Variants in PLEKHG3 observed in about 807,000 individuals in gnomAD.
The protein encoded by PLEKHG3 is pleckstrin homology domain-containing family G member 3.
Under a neutral mutation model 94.9 loss-of-function variants are expected in PLEKHG3, and 62 were observed. The observed-to-expected ratio is 0.65, with a 90% CI of 0.53 to 0.81. The LOEUF is 0.81. PLEKHG3 is among the 30% of genes least tolerant of loss of function. The pLI is 0.00. For missense variants in PLEKHG3, 1,461 were observed against 1,619.3 expected, an observed-to-expected ratio of 0.90 and a Z score of 1.68; for synonymous variants, 614 against 654.0, an observed-to-expected ratio of 0.94 and a Z score of 0.93.
rs1044800876 is a variant in PLEKHG3, at chr14:64,718,677, A to C, written c.-39-8916A>C. 2.6e-5 allele frequency among the ~76,000 whole-genome samples: 4 copies of C among 152,188 alleles called. No individual in the cohort carries two copies. Among genetic ancestry groups the C allele is most frequent in the African/African-American group, 9.7e-5 (4 of 41,444 alleles). ...GGTAGTTTGGAGGAGTGCTGGCTGT[A>C]GTCCCTGGGCTCTTTCATACACATT... On this transcript the variant is annotated intron_variant, in intron 1 of 16. Transcript: ENST00000247226. The surrounding 1 kb of genome is among the most constrained non-coding windows in gnomAD (Gnocchi z 5.0).
At position 64,741,849 on chromosome 14, in the gene PLEKHG3, G is replaced by A; in HGVS notation, c.2332G>A (p.Gly778Ser). 1.2e-6 allele frequency: 2 copies of A among 1,613,474 alleles called. No homozygotes were observed. The highest frequency in any genetic ancestry group is 1.7e-5 in the Admixed American group (1 of 60,012). Residue 778 changes from glycine to serine, a missense_variant, in exon 16 of 17, where the codon GGC becomes AGC. Gly to Ser is a moderately conservative substitution (Grantham distance 56). Transcript: ENST00000247226. ...TCCAGTGGGGAGCAAGAGACAGGTG[G>A]GCTCCCGGCCGACTTCGTGGGCCCT... ...VPPVGSKRQV[G>S]SRPTSWALFE...
chr14:64,707,321 C>T (rs1401410877), intron 1 of PLEKHG3, among the ~76,000 whole-genome samples: 1 of 152,252 alleles, frequency 6.6e-6, no homozygotes, highest in African/African-American at 2.4e-5. Flanking sequence ...ACCGTCTTTT[C>T]TCATCTCTCC....
chr14:64,733,305 C>T (rs1312895661), intron 12 of PLEKHG3, among the ~76,000 whole-genome samples: 2 of 151,850 alleles, frequency 1.3e-5, no homozygotes, highest in Non-Finnish European at 2.9e-5. Context: ...GCTGGGACTA[C>T]AAGCGTGCAC....
Position 64,732,763 on chromosome 14 carries a change from T to C in PLEKHG3, c.1247-40T>C, listed in dbSNP as rs73273534. On this transcript the variant is annotated intron_variant, in intron 11 of 16. Coordinates refer to ENST00000247226, the MANE Select transcript of PLEKHG3 (RefSeq NM_001308147.2). This position sits in a 1 kb window ranked among gnomAD's most constrained non-coding sequence, Gnocchi z 4.9. Reference sequence around the variant, plus strand: ...AGGGTCTAGGGTAGGCCAAGGCCAATTGGGAATCAAAAGCTTGATCGTCTC... The same window carrying C: ...AGGGTCTAGGGTAGGCCAAGGCCAACTGGGAATCAAAAGCTTGATCGTCTC... The C allele has an allele frequency of 0.14, 211,244 of 1,498,944 alleles. 15,716 individuals carry two copies. The highest frequency in any genetic ancestry group is 0.18 in the Middle Eastern group (1,078 of 5,856). The allele number at this position is 1,498,944 out of a possible 1,614,324, so 92.9% of individuals were successfully genotyped here.
At chr14:64,736,698 G>A (rs113330530) in intron 12 of PLEKHG3, among the ~76,000 whole-genome samples, 155 bp from the exon 13 acceptor site, 1 of 152,200 alleles carries the variant, frequency 6.6e-6, no homozygotes, top group East Asian at 1.9e-4. Context: ...CGCCGACACT[G>A]TGGAAGGCAG....
chr14:64,714,877 G>A (rs1594663139), intron 1 of PLEKHG3, among the ~76,000 whole-genome samples: 1 of 152,070 alleles, frequency 6.6e-6, no homozygotes, highest in Admixed American at 6.5e-5. Context: ...TGAGAAGTAG[G>A]GATTTGAGTG....
At chr14:64,706,142 G>T (rs906663102) in intron 1 of PLEKHG3, among the ~76,000 whole-genome samples, 1 of 152,208 alleles carries the variant, frequency 6.6e-6, no homozygotes, top group Non-Finnish European at 1.5e-5. Context: ...GAAGTGGAAA[G>T]AGCACTGGCC....
At chr14:64,737,156 C>T (rs1332854147) in intron 13 of PLEKHG3, 200 bp from the exon 14 acceptor site, 4 of 647,104 alleles carry the variant, frequency 6.2e-6, no homozygotes, top group Non-Finnish European at 1.1e-5. Flanking sequence ...CTGCGCTGCT[C>T]TGTGGCCCCT....
chr14:64,727,691 C>G lies in PLEKHG3; in HGVS notation c.60C>G (p.Thr20=), dbSNP rs1378508147. Residue 20 remains threonine (T), a synonymous_variant, in exon 2 of 17, where the codon ACC becomes ACG. Transcript: ENST00000247226. The surrounding 1 kb of genome is among the most constrained non-coding windows in gnomAD (Gnocchi z 6.0). ...GCCAGGAGCGGCCGGTGAGCCTGAC[C>G]TCTACCACCTCCTCGTCGGGCTCCT... is the stretch of plus-strand genomic sequence containing the variant. The part of the protein sequence containing the change: ...DGSQERPVSL[T]STTSSSGSSC... The G allele has an allele frequency of 1.9e-6, 3 of 1,612,556 alleles. No individual in the cohort carries two copies. Among genetic ancestry groups the G allele is most frequent in the South Asian group, 2.2e-5 (2 of 91,044 alleles).
Position 64,728,197 on chromosome 14 carries a change from T to C in PLEKHG3, c.351+215T>C, listed in dbSNP as rs2081390943. ...GGCCGACAGGAGTGAGCATCGTTGA[T>C]AGGGTGGATCCCCAGCCTGCCTGGG... On this transcript the variant is annotated intron_variant, in intron 2 of 16. Coordinates refer to ENST00000247226, the MANE Select transcript of PLEKHG3 (RefSeq NM_001308147.2). The surrounding 1 kb of genome is among the most constrained non-coding windows in gnomAD (Gnocchi z 5.9). Among the ~76,000 whole-genome samples the C allele has an allele frequency of 6.6e-6, 1 of 152,192 alleles. No homozygotes were observed. Among genetic ancestry groups the C allele is most frequent in the Admixed American group, 6.5e-5 (1 of 15,282 alleles).
Position 64,741,996 on chromosome 14 carries a change from A to T in PLEKHG3, c.2479A>T (p.Ser827Cys), listed in dbSNP as rs2081706650. The T allele has an allele frequency of 6.4e-7, 1 of 1,569,898 alleles. No individual in the cohort carries two copies. Among genetic ancestry groups the T allele is most frequent in the East Asian group, 2.2e-5 (1 of 44,516 alleles). The change falls in exon 16 of 17, where the codon AGC becomes TGC. Residue 827 changes from serine (S) to cysteine (C), a missense_variant. Transcript: ENST00000247226. ...GGAGGGAATGGAGTCTTCCGGAGGG[A>T]GCCCTGGGAAGGGGCCAGGCCAGGG... ...IWEGMESSGG[S>C]PGKGPGQGQA... is the part of the protein sequence containing the mutation.
chr14:64,722,451 C>G lies in PLEKHG3; in HGVS notation c.-39-5142C>G, dbSNP rs1594675894. On this transcript the variant is annotated intron_variant, in intron 1 of 16. Transcript: ENST00000247226. The surrounding 1 kb of genome is among the most constrained non-coding windows in gnomAD (Gnocchi z 4.3). ...CTCAAACTCCTCTCAAACTCCTGAC[C>G]AAAGGTGATCCGCCCACCTCGGCCT... 1.3e-5 allele frequency among the ~76,000 whole-genome samples: 2 copies of G among 152,228 alleles called. No individual in the cohort carries two copies. Among genetic ancestry groups the G allele is most frequent in the East Asian group, 3.9e-4 (2 of 5,168 alleles).
Position 64,732,925 on chromosome 14 carries a change from G to T in PLEKHG3, c.1345+24G>T, listed in dbSNP as rs762589341. On this transcript the variant is annotated intron_variant, in intron 12 of 16. Transcript: ENST00000247226. This position sits in a 1 kb window ranked among gnomAD's most constrained non-coding sequence, Gnocchi z 4.9. ...TGGTAAGAGAAGGGCTGTGGAGGCA[G>T]GAGGCCTCTCCCTCACACCCTTGCC... is the stretch of plus-strand genomic sequence containing the variant. 3 of 1,447,080 alleles carry T rather than the reference G, an allele frequency of 2.1e-6. No individual in the cohort carries two copies. The Admixed American group carries it at 5.5e-5, about 27-fold the overall frequency. 89.6% of individuals were successfully genotyped at this position (1,447,080 alleles called of 1,614,324 possible). A position where few individuals can be genotyped will look rare whatever the true frequency, so the allele number is the denominator to read the frequency against.
chr14:64,749,745 G>A lies in PLEKHG3; in HGVS notation c.*6042G>A, dbSNP rs746511800. On this transcript the variant is annotated 3_prime_UTR_variant, in exon 17 of 17. Coordinates refer to ENST00000247226, the MANE Select transcript of PLEKHG3 (RefSeq NM_001308147.2). The surrounding 1 kb of genome is among the most constrained non-coding windows in gnomAD (Gnocchi z 4.7). ...TCATGGAGACACCTCTGGAGGGGGCGCTGGGCAGAGGGCTGGCTCTGATCC... is the reference window on the plus strand; with the variant it reads ...TCATGGAGACACCTCTGGAGGGGGCACTGGGCAGAGGGCTGGCTCTGATCC... 13 of 1,600,616 alleles carry A rather than the reference G, an allele frequency of 8.1e-6. No homozygotes were observed. In the Admixed American group the frequency reaches 8.6e-5, roughly 11 times the overall value.
At position 64,730,192 on chromosome 14, in the gene PLEKHG3, G is replaced by T. The variant is rs751458126; in HGVS notation, c.450-51G>T. 1 of 984,878 alleles carries T rather than the reference G, an allele frequency of 1.0e-6. No individual in the cohort carries two copies. The highest frequency in any genetic ancestry group is 2.6e-5 in the East Asian group (1 of 38,386). The allele number at this position is 984,878 out of a possible 1,614,324, so 61.0% of individuals were successfully genotyped here. A position where few individuals can be genotyped will look rare whatever the true frequency, so the allele number is the denominator to read the frequency against. ...GAGGTTGGGGAGGGGGCAGTGAGGGGCATTGTCCTCTGACTGCAGAGGGTA... is the reference window on the plus strand; with the variant it reads ...GAGGTTGGGGAGGGGGCAGTGAGGGTCATTGTCCTCTGACTGCAGAGGGTA... On this transcript the variant is annotated intron_variant, in intron 3 of 16. Transcript: ENST00000247226. The surrounding 1 kb of genome is among the most constrained non-coding windows in gnomAD (Gnocchi z 5.4).
intron 12 of PLEKHG3, among the ~76,000 whole-genome samples, chr14:64,735,321 G>A (rs1040417070): frequency 4.6e-5 from 7 of 152,154 alleles, no homozygotes; most frequent in African/African-American, 7.2e-5. Context: ...GTTAGAAAGC[G>A]ATCGTTCAGG....
In PLEKHG3 at chr14:64,715,674, G is replaced by C. The variant is rs1432667858; in HGVS notation, c.-40+10970G>C. The stretch of plus-strand genomic sequence containing the variant: ...CTGGTGAATGATCTGGCTTTGTTCT[G>C]AAGTCTTCAGTATTTGATTCCTGCA... On this transcript the variant is annotated intron_variant, in intron 1 of 16. Transcript: ENST00000247226. The surrounding 1 kb of genome is among the most constrained non-coding windows in gnomAD (Gnocchi z 4.4). 4.2e-6 allele frequency: 1 copy of C among 237,680 alleles called. No individual in the cohort carries two copies. The highest frequency in any genetic ancestry group is 5.3e-5 in the Admixed American group (1 of 18,744). 14.7% of individuals were successfully genotyped at this position (237,680 alleles called of 1,614,324 possible).
At position 64,730,199 on chromosome 14, in the gene PLEKHG3, C is replaced by CCT. The variant is rs764036123; in HGVS notation, c.450-41_450-40dup. Reference sequence around the variant, plus strand: ...GGGAGGGGGCAGTGAGGGGCATTGTCCTCTGACTGCAGAGGGTACAGTGGC... The same window carrying CCT: ...GGGAGGGGGCAGTGAGGGGCATTGTCCTCTCTGACTGCAGAGGGTACAGTGGC... On this transcript the variant is annotated intron_variant, in intron 3 of 16. Coordinates refer to ENST00000247226, the MANE Select transcript of PLEKHG3 (RefSeq NM_001308147.2). The surrounding 1 kb of genome is among the most constrained non-coding windows in gnomAD (Gnocchi z 5.4). 6.3e-6 allele frequency: 7 copies of CCT among 1,107,936 alleles called. No homozygotes were observed. The African/African-American group carries it at 1.1e-4, about 17-fold the overall frequency. 68.6% of individuals were successfully genotyped at this position (1,107,936 alleles called of 1,614,324 possible).
Position 64,716,551 on chromosome 14 carries a change from A to ACACACACACACACACACACACAC in PLEKHG3, c.-39-11042_-39-11041insCACACACACACACACACACACAC. Among the ~76,000 whole-genome samples, 1 of 146,574 alleles carries ACACACACACACACACACACACAC rather than the reference A, an allele frequency of 6.8e-6. No individual in the cohort carries two copies. Among genetic ancestry groups the ACACACACACACACACACACACAC allele is most frequent in the Non-Finnish European group, 1.5e-5 (1 of 66,592 alleles). ...CACACACACACACACACACACACAC[A>ACACACACACACACACACACACAC]AAGCAGAGTTAATCTCCCACTTCTT... On this transcript the variant is annotated intron_variant, in intron 1 of 16. Coordinates refer to ENST00000247226, the MANE Select transcript of PLEKHG3 (RefSeq NM_001308147.2). The surrounding 1 kb of genome is among the most constrained non-coding windows in gnomAD (Gnocchi z 5.0).
Sources: allele counts gnomAD v4.1 joint callset (sites outside exome capture counted in the v4.1 genomes callset), GRCh38; gene constraint gnomAD v4.1.1; non-coding constraint Gnocchi (gnomAD v3.1); transcripts MANE v1.5; gene names NCBI Gene and HGNC (gene_info 2026-07-23, HGNC 2026-07-21).